Variants in XIST observed in about 807,000 individuals in gnomAD.
XIST encodes X inactive specific transcript (non-protein coding).
Position 73,826,682 on chromosome X carries a change from C to A in XIST, n.13219G>T, listed in dbSNP as rs200610501. 4.2e-4 allele frequency: 232 copies of A among 557,344 alleles called. 2 individuals are homozygous for A. The highest frequency in any genetic ancestry group is 8.1e-5 in the Non-Finnish European group (25 of 309,171). 45.9% of individuals were successfully genotyped at this position (557,344 alleles called of 1,213,427 possible). A position where few individuals can be genotyped will look rare whatever the true frequency, so the allele number is the denominator to read the frequency against. The stretch of plus-strand genomic sequence containing the variant: ...TTTCCCCAGGTCTTCAAGCTTCTAT[C>A]CTTCCTGGGTTCTGGGTCATGGGCC... On this transcript the variant is annotated non_coding_transcript_exon_variant, in exon 6 of 6. Coordinates refer to ENST00000429829, the Ensembl canonical transcript of XIST.
Position 73,845,037 on chromosome X carries a change from C to T in XIST, n.7687G>A, listed in dbSNP as rs373941959. 122 of 554,903 alleles carry T rather than the reference C, an allele frequency of 2.2e-4. No individual in the cohort carries two copies. The African/African-American group carries it at 2.6e-3, about 12-fold the overall frequency. 45.7% of individuals were successfully genotyped at this position (554,903 alleles called of 1,213,427 possible). The stretch of plus-strand genomic sequence containing the variant: ...GGAAGAGGGGCCTTGGTTATCAGCA[C>T]ACCTACTGTACTGCAAAAGGGGTCT... On this transcript the variant is annotated non_coding_transcript_exon_variant, in exon 1 of 6. Transcript: ENST00000429829.
rs920956424 is a variant in XIST at position 73,841,891 on chromosome X, T to C, written n.10833A>G. 9.7e-6 allele frequency: 5 copies of C among 516,553 alleles called. No homozygotes were observed. The Admixed American group carries it at 1.3e-4, about 14-fold the overall frequency. 42.6% of individuals were successfully genotyped at this position (516,553 alleles called of 1,213,427 possible). A position where few individuals can be genotyped will look rare whatever the true frequency, so the allele number is the denominator to read the frequency against. On this transcript the variant is annotated non_coding_transcript_exon_variant, in exon 1 of 6. Transcript: ENST00000429829. ...TCTTCTTGAAATAAGTAGGGGCAGG[T>C]GCTCCAGATGAAGAAATTAAAGGAT...
chrX:73,844,586 G>A lies in XIST; in HGVS notation n.8138C>T, dbSNP rs1029797197. The A allele has an allele frequency of 5.4e-6, 3 of 557,782 alleles. No individual in the cohort carries two copies. In the East Asian group the frequency reaches 9.8e-5, roughly 18 times the overall value. The allele number at this position is 557,782 out of a possible 1,213,427, so 46.0% of individuals were successfully genotyped here. Reference sequence around the variant, plus strand: ...AATTGTGCACCTTGATTGTCCAAATGTAAGGGTCTTATGGAGTGAGCACTC... The same window carrying A: ...AATTGTGCACCTTGATTGTCCAAATATAAGGGTCTTATGGAGTGAGCACTC... On this transcript the variant is annotated non_coding_transcript_exon_variant, in exon 1 of 6. Coordinates refer to ENST00000429829, the Ensembl canonical transcript of XIST.
At chrX:73,843,408 T>C (rs1922650829) in exon 1 of XIST, 3 of 556,771 alleles carry the variant, frequency 5.4e-6, no homozygotes, top group East Asian at 6.5e-5. Context: ...TTATGAGTAG[T>C]TAACACTTCT....
exon 1 of XIST, chrX:73,849,048 A>T: frequency 1.8e-6 from 1 of 559,464 alleles, no homozygotes; most frequent in Non-Finnish European, 3.2e-6. Context: ...TAGTGTAACT[A>T]ACAGAACTAT....
exon 1 of XIST, chrX:73,843,929 C>A (rs1343619472): frequency 5.4e-6 from 3 of 557,230 alleles, no homozygotes; most frequent in Non-Finnish European, 9.7e-6. Context: ...AAGAAAATTT[C>A]AATTATATGT....
At chrX:73,849,778 T>A in exon 1 of XIST, 1 of 537,963 alleles carries the variant, frequency 1.9e-6, no homozygotes, top group Non-Finnish European at 3.3e-6. Flanking sequence ...ACTGAATCAA[T>A]GAAAATTAGA....
intron 4 of XIST, among the ~76,000 whole-genome samples, chrX:73,830,100 T>C (rs1462525592): frequency 1.8e-5 from 2 of 109,348 alleles, no homozygotes; most frequent in African/African-American, 6.7e-5. Flanking sequence ...AAAATTCACA[T>C]AGGTTGTTTA....
At chrX:73,822,230 G>A (rs1922137013) in exon 6 of XIST, 1 of 556,664 alleles carries the variant, frequency 1.8e-6, no homozygotes, top group Non-Finnish European at 3.2e-6. Context: ...GGAAAATGAA[G>A]TGTCTATTAT....
exon 6 of XIST, chrX:73,822,864 C>T (rs1283870437): frequency 1.8e-6 from 1 of 557,112 alleles, no homozygotes; most frequent in Non-Finnish European, 3.2e-6. Context: ...TAGTATCGAA[C>T]ATATCACAGC....
At chrX:73,832,752 C>A (rs187707300) in intron 3 of XIST, among the ~76,000 whole-genome samples, 1 of 111,035 alleles carries the variant, frequency 9.0e-6, no homozygotes, top group Non-Finnish European at 1.9e-5. Flanking sequence ...GTATGCTTGC[C>A]CTTACAGACC....
chrX:73,841,178 C>A, intron 1 of XIST: 1 of 319,491 alleles, frequency 3.1e-6, no homozygotes, highest in Non-Finnish European at 5.4e-6. Flanking sequence ...AATATTAATT[C>A]TACAGTTCTG....
chrX:73,833,143 C>T, intron 3 of XIST: 1 of 471,196 alleles, frequency 2.1e-6, no homozygotes, highest in South Asian at 3.4e-5. Flanking sequence ...CAAGCAGGAG[C>T]CACCATGCCC....
chrX:73,834,256 C>T (rs1326233140), intron 2 of XIST, among the ~76,000 whole-genome samples: 3 of 112,415 alleles, frequency 2.7e-5, no homozygotes, highest in East Asian at 2.8e-4. Context: ...TTTAAATAAA[C>T]GGATCCTAGC....
At chrX:73,851,621 A>T in exon 1 of XIST, 1 of 559,059 alleles carries the variant, frequency 1.8e-6, no homozygotes, top group South Asian at 2.2e-5. Flanking sequence ...TTGTACTGAT[A>T]AAAGATGATT....
rs1160670485 is a variant in XIST, at chrX:73,850,776, GTA to G, written n.1946_1947del. 1.0e-5 allele frequency: 5 copies of G among 495,361 alleles called. No homozygotes were observed. The South Asian group carries it at 1.3e-4, about 13-fold the overall frequency. The allele number at this position is 495,361 out of a possible 1,213,427, so 40.8% of individuals were successfully genotyped here. The stretch of plus-strand genomic sequence containing the variant: ...GGGGGGTTGGGGGGTGGGGGGGGAG[GTA>G]TACTTAGCCTTAGGTGAGGCACCAA... On this transcript the variant is annotated non_coding_transcript_exon_variant, in exon 1 of 6. Transcript: ENST00000429829.
exon 1 of XIST, chrX:73,852,344 GA>G (rs1371718805): frequency 9.4e-6 from 5 of 529,210 alleles, no homozygotes; most frequent in Non-Finnish European, 1.7e-5. Flanking sequence ...GTTGGGCAAA[GA>G]AAAAATAATA....
chrX:73,847,282 C>T lies in XIST; in HGVS notation n.5442G>A, dbSNP rs780528168. Reference sequence around the variant, plus strand: ...GGGATTCTACTCTAACATAGGGGCACATCAACTACTGCTAATTATGCGCAT... The same window carrying T: ...GGGATTCTACTCTAACATAGGGGCATATCAACTACTGCTAATTATGCGCAT... On this transcript the variant is annotated non_coding_transcript_exon_variant, in exon 1 of 6. Coordinates refer to ENST00000429829, the Ensembl canonical transcript of XIST. The T allele has an allele frequency of 1.1e-5, 6 of 552,289 alleles. No homozygotes were observed. In the African/African-American group the frequency reaches 1.1e-4, roughly 10 times the overall value. The allele number at this position is 552,289 out of a possible 1,213,427, so 45.5% of individuals were successfully genotyped here.
At chrX:73,846,492 A>G in exon 1 of XIST, 1 of 559,314 alleles carries the variant, frequency 1.8e-6, no homozygotes, top group Non-Finnish European at 3.2e-6. Context: ...CGTTATCAGC[A>G]ACCCTTCTGT....
Sources: gnomAD v4.1 joint callset for allele counts (sites outside exome capture counted in the v4.1 genomes callset) on GRCh38, gnomAD v4.1.1 for gene constraint, MANE v1.5 for transcripts, NCBI Gene and HGNC (gene_info 2026-07-23, HGNC 2026-07-21) for gene names.